The following MAD1L1 variants were observed in gnomAD, a reference collection of about 807,000 sequenced individuals.
MAD1L1 encodes mitotic arrest deficient 1 like 1, also known as mitotic spindle assembly checkpoint protein MAD1.
Under a neutral mutation model 96.9 loss-of-function variants are expected in MAD1L1, and 95 were observed. That is an observed-to-expected ratio of 0.98 (90% CI 0.83 to 1.16). The LOEUF (loss-of-function observed/expected upper bound fraction) is 1.16, where lower values mean the gene tolerates loss of function less well. MAD1L1 is among the 50% of genes most tolerant of loss of function. MAD1L1 has a pLI of 0.00. For missense variants in MAD1L1, 1,007 were observed against 954.4 expected, an observed-to-expected ratio of 1.06 and a Z score of -0.73; for synonymous variants, 473 against 396.6, an observed-to-expected ratio of 1.19 and a Z score of -2.29.
chr7:1,966,933 G>T (rs1381212400), intron 15 of MAD1L1, among the ~76,000 whole-genome samples: 2 of 152,258 alleles, frequency 1.3e-5, no homozygotes, highest in Non-Finnish European at 2.9e-5. Flanking sequence ...TGCTCTCCAG[G>T]AGAGGCTGCC....
chr7:1,866,560 A>C (rs1216966660), intron 18 of MAD1L1, among the ~76,000 whole-genome samples: 2 of 152,152 alleles, frequency 1.3e-5, no homozygotes, highest in Non-Finnish European at 2.9e-5. Flanking sequence ...GGGGAAGAGG[A>C]GGCTCAGGGA....
chr7:1,904,032 T>C (rs371233761), intron 17 of MAD1L1, among the ~76,000 whole-genome samples: 1,301 of 48,832 alleles, frequency 0.027, 5 homozygotes, highest in African/African-American at 0.069. Flanking sequence ...GACGTTCTTG[T>C]GGAACTCATG....
intron 18 of MAD1L1, among the ~76,000 whole-genome samples, chr7:1,867,395 C>T (rs1449638497): frequency 6.6e-6 from 1 of 152,236 alleles, no homozygotes; most frequent in Non-Finnish European, 1.5e-5. Flanking sequence ...GAAGGCGGCA[C>T]TGCAGCCTGA....
intron 18 of MAD1L1, among the ~76,000 whole-genome samples, chr7:1,853,033 C>G (rs1424409353): frequency 1.3e-5 from 2 of 152,234 alleles, no homozygotes; most frequent in Non-Finnish European, 2.9e-5. Context: ...GGCTCAGGGT[C>G]CTGTCCCAGT....
chr7:1,888,698 G>C (rs1435610709), intron 18 of MAD1L1, among the ~76,000 whole-genome samples: 1 of 150,946 alleles, frequency 6.6e-6, no homozygotes, highest in Non-Finnish European at 1.5e-5. Context: ...ATGCGTGTGT[G>C]TCGTGTGTGG....
At chr7:1,837,228 A>G (rs994440821) in intron 18 of MAD1L1, among the ~76,000 whole-genome samples, 6 of 152,250 alleles carry the variant, frequency 3.9e-5, no homozygotes, top group African/African-American at 1.4e-4. Flanking sequence ...CGTCATGAGG[A>G]AAATGCAAAT....
intron 10 of MAD1L1, among the ~76,000 whole-genome samples, chr7:2,166,077 C>T (rs1175636668): frequency 1.3e-5 from 2 of 152,220 alleles, no homozygotes; most frequent in Non-Finnish European, 2.9e-5. Context: ...GTGGAAACTT[C>T]TGACAAGAAC....
chr7:1,854,863 A>G (rs1448472832), intron 18 of MAD1L1, among the ~76,000 whole-genome samples: 1 of 152,196 alleles, frequency 6.6e-6, no homozygotes, highest in African/African-American at 2.4e-5. Context: ...GAAAGGCAAG[A>G]GGGAGGGTGC....
At position 1,888,312 on chromosome 7, in the gene MAD1L1, CTA is replaced by C. The variant is rs201710627; in HGVS notation, c.1998+9886_1998+9887del. On this transcript the variant is annotated intron_variant, in intron 18 of 18. Coordinates refer to ENST00000265854, the MANE Select transcript of MAD1L1 (RefSeq NM_001013836.2). Reference sequence around the variant, plus strand: ...TGCATGCATGCGTCTATGTGACTGCCTATGTGTGTGTGTGCATGCGTGCGGCT... The same window carrying C: ...TGCATGCATGCGTCTATGTGACTGCCTGTGTGTGTGTGCATGCGTGCGGCT... Among the ~76,000 whole-genome samples, 623 of 115,256 alleles carry C rather than the reference CTA, an allele frequency of 5.4e-3. 7 individuals carry two copies. Among genetic ancestry groups the C allele is most frequent in the African/African-American group, 0.017 (565 of 32,506 alleles). The allele number at this position is 115,256 out of a possible 152,430, so 75.6% of individuals were successfully genotyped here. A position where few individuals can be genotyped will look rare whatever the true frequency, so the allele number is the denominator to read the frequency against.
chr7:1,876,457 G>A (rs1785392591), intron 18 of MAD1L1, among the ~76,000 whole-genome samples: 1 of 151,520 alleles, frequency 6.6e-6, no homozygotes, highest in South Asian at 2.1e-4. Flanking sequence ...CTCTGGTTAG[G>A]GCTTTATGGA....
At chr7:2,061,724 G>T (rs1309622070) in intron 12 of MAD1L1, among the ~76,000 whole-genome samples, 1 of 152,256 alleles carries the variant, frequency 6.6e-6, no homozygotes, top group Non-Finnish European at 1.5e-5. Context: ...GTCCACGTCA[G>T]CAAGAGTCAA....
intron 12 of MAD1L1, among the ~76,000 whole-genome samples, chr7:2,024,847 G>A (rs1366830821): frequency 1.3e-5 from 2 of 152,188 alleles, no homozygotes; most frequent in African/African-American, 4.8e-5. Flanking sequence ...AGACCTAGAT[G>A]GCTTCACTGA....
intron 12 of MAD1L1, among the ~76,000 whole-genome samples, chr7:2,042,169 A>G (rs1783710899): frequency 6.6e-6 from 1 of 151,854 alleles, no homozygotes; most frequent in Non-Finnish European, 1.5e-5. Context: ...ATATGTACAC[A>G]CATACACATG....
chr7:1,972,791 C>G (rs1780463138), intron 15 of MAD1L1, among the ~76,000 whole-genome samples: 2 of 152,124 alleles, frequency 1.3e-5, no homozygotes, highest in South Asian at 2.1e-4. Flanking sequence ...TCAACGTGAA[C>G]ACTGAGCATG....
At chr7:2,178,061 G>A (rs1269441211) in intron 10 of MAD1L1, among the ~76,000 whole-genome samples, 5 of 152,222 alleles carry the variant, frequency 3.3e-5, no homozygotes, top group Non-Finnish European at 7.3e-5. Context: ...TAAATGAACT[G>A]AAGAGGGAAG....
intron 18 of MAD1L1, chr7:1,838,999 G>A: frequency 5.4e-6 from 2 of 367,270 alleles, no homozygotes; most frequent in Non-Finnish European, 1.1e-5. Flanking sequence ...GAGGCAGCCA[G>A]GAACTGCCTG....
At chr7:1,976,160 CAT>C (rs577142808) in intron 15 of MAD1L1, among the ~76,000 whole-genome samples, 16 of 152,344 alleles carry the variant, frequency 1.1e-4, no homozygotes, top group South Asian at 4.1e-4. Context: ...AGCAGGCACA[CAT>C]GTGTGGCTGT....
At chr7:2,090,609 T>G (rs900116247) in intron 11 of MAD1L1, among the ~76,000 whole-genome samples, 1 of 152,176 alleles carries the variant, frequency 6.6e-6, no homozygotes, top group African/African-American at 2.4e-5. Context: ...CTGAGTCTCC[T>G]CTCATTTGTC....
intron 13 of MAD1L1, among the ~76,000 whole-genome samples, chr7:2,008,197 G>T (rs1302676980): frequency 6.6e-6 from 1 of 152,204 alleles, no homozygotes; most frequent in African/African-American, 2.4e-5. Context: ...TCACAAGGGC[G>T]AGGAGCTGGC....
Sources: allele counts gnomAD v4.1 joint callset (sites outside exome capture counted in the v4.1 genomes callset), GRCh38; gene constraint gnomAD v4.1.1; transcripts MANE v1.5; gene names NCBI Gene and HGNC (gene_info 2026-07-23, HGNC 2026-07-21).